The following EFCAB5 variants were observed in gnomAD, a reference collection of about 807,000 sequenced individuals.
The protein encoded by EFCAB5 is EF-hand calcium binding domain 5.
A neutral mutation model predicts 167.9 loss-of-function variants in EFCAB5; 131 were observed. The observed-to-expected ratio is 0.78, with a 90% CI of 0.68 to 0.90. The LOEUF (loss-of-function observed/expected upper bound fraction) is 0.90. EFCAB5 is among the 40% of genes least tolerant of loss of function. The probability of loss-of-function intolerance (pLI) is 0.00; values close to 1 mark genes in which losing one functional copy is unlikely to be tolerated. For synonymous variants in EFCAB5, 574 were observed against 602.8 expected, an observed-to-expected ratio of 0.95 and a Z score of 0.70; for missense variants, 1,663 against 1,745.2, an observed-to-expected ratio of 0.95 and a Z score of 0.84.
intron 8 of EFCAB5, among the ~76,000 whole-genome samples, chr17:30,035,465 C>T (rs74518890): frequency 0.036 from 5,435 of 152,216 alleles, 136 homozygotes; most frequent in Middle Eastern, 0.071. Flanking sequence ...CGTAGGATTC[C>T]TGCTGGGTCT....
intron 4 of EFCAB5, among the ~76,000 whole-genome samples, chr17:29,978,512 G>T (rs1033942885): frequency 6.6e-6 from 1 of 152,150 alleles, no homozygotes; most frequent in African/African-American, 2.4e-5. Flanking sequence ...CTTATGGACT[G>T]CAAGATCATG....
At chr17:30,062,884 G>C (rs571600106) in intron 14 of EFCAB5, among the ~76,000 whole-genome samples, 3 of 152,258 alleles carry the variant, frequency 2.0e-5, no homozygotes, top group African/African-American at 7.2e-5. Flanking sequence ...TTCCTCCTCA[G>C]TGCCTAAGTT....
chr17:30,009,948 C>G lies in EFCAB5; in HGVS notation c.1044+9972C>G, dbSNP rs545269551. ...TTTGCATTAGGTATTTCTCCTAATG[C>G]TATCCCTCCTCCATCCCCCGACCCC... On this transcript the variant is annotated intron_variant, in intron 7 of 22. Coordinates refer to ENST00000394835, the MANE Select transcript of EFCAB5 (RefSeq NM_198529.4). Among the ~76,000 whole-genome samples the G allele has an allele frequency of 2.3e-4, 35 of 152,212 alleles. No individual in the cohort carries two copies. The South Asian group carries it at 7.1e-3, about 31-fold the overall frequency.
intron 22 of EFCAB5, among the ~76,000 whole-genome samples, chr17:30,107,480 A>G (rs1219472896): frequency 6.6e-6 from 1 of 152,158 alleles, no homozygotes; most frequent in Non-Finnish European, 1.5e-5. Context: ...TCTTATTTTT[A>G]CTATATGCTA....
intron 4 of EFCAB5, among the ~76,000 whole-genome samples, chr17:29,971,651 C>T (rs1349941411): frequency 1.3e-5 from 2 of 152,110 alleles, no homozygotes; most frequent in Non-Finnish European, 1.5e-5. Flanking sequence ...CCTTAGATTC[C>T]TTAATGATGA....
At chr17:30,071,746 A>G (rs1431196770) in intron 14 of EFCAB5, among the ~76,000 whole-genome samples, 1 of 152,212 alleles carries the variant, frequency 6.6e-6, no homozygotes, top group Non-Finnish European at 1.5e-5. Flanking sequence ...GATCAGCTTA[A>G]GTGTCTATCA....
intron 14 of EFCAB5, among the ~76,000 whole-genome samples, chr17:30,066,587 G>A (rs1237891720): frequency 2.6e-5 from 4 of 151,674 alleles, no homozygotes; most frequent in Non-Finnish European, 2.9e-5. Context: ...TCAAATAAAC[G>A]ATCTAACAAT....
At position 30,020,013 on chromosome 17, in the gene EFCAB5, G is replaced by A. The variant is rs139568849; in HGVS notation, c.1045-14217G>A. 4.2e-3 allele frequency among the ~76,000 whole-genome samples: 633 copies of A among 152,224 alleles called. 6 individuals are homozygous for A. The highest frequency in any genetic ancestry group is 0.014 in the African/African-American group (600 of 41,516). ...CATCATTTTTCAAGATTTTACATAT[G>A]TGAGATCGTGTTGTATTTGTCTTTC... is the stretch of plus-strand genomic sequence containing the variant. On this transcript the variant is annotated intron_variant, in intron 7 of 22. Transcript: ENST00000394835.
intron 14 of EFCAB5, among the ~76,000 whole-genome samples, chr17:30,071,504 T>C (rs1045977365): frequency 1.3e-5 from 2 of 151,642 alleles, no homozygotes; most frequent in African/African-American, 2.4e-5. Flanking sequence ...AAATAACAAA[T>C]GCTGGCGAGG....
In EFCAB5 at chr17:30,080,245, A is replaced by C. The variant is rs938874796; in HGVS notation, c.3197+4A>C. ...ACAGGGACATGAAAGGAATCAGGTA[A>C]GAACTTCTTGAAGAGATTGGTTTCA... On this transcript the variant is annotated splice_donor_region_variant and intron_variant, in intron 16 of 22. Transcript: ENST00000394835. 2.4e-5 allele frequency: 37 copies of C among 1,566,420 alleles called. No homozygotes were observed. Among genetic ancestry groups the C allele is most frequent in the Non-Finnish European group, 3.1e-5 (36 of 1,163,414 alleles).
At chr17:30,028,818 C>T (rs1011092795) in intron 7 of EFCAB5, among the ~76,000 whole-genome samples, 3 of 152,110 alleles carry the variant, frequency 2.0e-5, no homozygotes, top group African/African-American at 7.2e-5. Flanking sequence ...CTGATTTTTG[C>T]CCTTGTCTTC....
chr17:29,985,919 G>A (rs1024028579), intron 4 of EFCAB5, among the ~76,000 whole-genome samples: 4 of 152,160 alleles, frequency 2.6e-5, no homozygotes, highest in Admixed American at 1.3e-4. Context: ...TTTGCAAGAC[G>A]ATAAAAGCAA....
At chr17:29,985,176 T>C (rs1025028927) in intron 4 of EFCAB5, among the ~76,000 whole-genome samples, 2 of 152,146 alleles carry the variant, frequency 1.3e-5, no homozygotes, top group African/African-American at 2.4e-5. Context: ...GCACAGTTTT[T>C]CCCCCATTCT....
intron 4 of EFCAB5, among the ~76,000 whole-genome samples, chr17:29,972,343 C>A (rs1268520472): frequency 6.6e-6 from 1 of 152,068 alleles, no homozygotes; most frequent in Non-Finnish European, 1.5e-5. Flanking sequence ...GTCACCGCGC[C>A]CGGCCCAGGC....
Position 30,078,303 on chromosome 17 carries a change from T to C in EFCAB5, c.2826T>C (p.Val942=). Residue 942 remains valine (V), a synonymous_variant, in exon 15 of 23, where the codon GTT becomes GTC. Transcript: ENST00000394835. ...SKQFQNYIEL[V]VSELRGNEDQ... ...AATTTCAGAATTACATAGAATTGGT[T>C]GTGTCTGAACTCAGGGGCAATGAAG... 2 of 1,614,006 alleles carry C rather than the reference T, an allele frequency of 1.2e-6. No homozygotes were observed. The highest frequency in any genetic ancestry group is 2.2e-5 in the South Asian group (2 of 91,086).
At chr17:30,091,580 C>A (rs2071196936) in intron 20 of EFCAB5, among the ~76,000 whole-genome samples, 1 of 152,128 alleles carries the variant, frequency 6.6e-6, no homozygotes, top group African/African-American at 2.4e-5. Flanking sequence ...TTCAGAGAGA[C>A]AATAGACTAA....
At chr17:29,966,770 T>A (rs915310780) in intron 3 of EFCAB5, among the ~76,000 whole-genome samples, 1 of 152,120 alleles carries the variant, frequency 6.6e-6, no homozygotes, top group Non-Finnish European at 1.5e-5. Flanking sequence ...CATCCTTGAG[T>A]GTGGAGTATC....
At chr17:30,100,702 G>C (rs1025905496) in intron 22 of EFCAB5, among the ~76,000 whole-genome samples, 1 of 152,116 alleles carries the variant, frequency 6.6e-6, no homozygotes, top group Admixed American at 6.5e-5. Context: ...AGGAGGCGGA[G>C]GTTGCAGTGA....
At position 29,930,698 on chromosome 17, in the gene EFCAB5, C is replaced by T. The variant is rs183902228; in HGVS notation, c.-127+1369C>T. On this transcript the variant is annotated intron_variant, in intron 1 of 3. Transcript: ENST00000448319. ...CCGGCTCTCGGGGGCTTTTTCTTAA[C>T]TTTTCCCCCCCTTCCGTCTATGTTT... 7.2e-5 allele frequency among the ~76,000 whole-genome samples: 11 copies of T among 152,264 alleles called. No homozygotes were observed. The East Asian group carries it at 1.5e-3, about 21-fold the overall frequency.
Sources: gnomAD v4.1 joint callset for allele counts (sites outside exome capture counted in the v4.1 genomes callset) on GRCh38, gnomAD v4.1.1 for gene constraint, MANE v1.5 for transcripts, NCBI Gene and HGNC (gene_info 2026-07-23, HGNC 2026-07-21) for gene names.